The following KSR2 variants were observed in gnomAD, a reference collection of about 807,000 sequenced individuals.
The protein encoded by KSR2 is kinase suppressor of ras 2.
In KSR2, 25 loss-of-function variants were observed where a neutral mutation model predicts 107.8. The ratio of observed to expected loss-of-function variants is 0.23; its 90% CI spans 0.17 to 0.32. KSR2 has a LOEUF of 0.32. KSR2 is among the 10% of genes least tolerant of loss of function. KSR2 has a pLI of 1.00. For missense variants in KSR2, 887 were observed against 1,268.9 expected, an observed-to-expected ratio of 0.70 and a Z score of 4.57; for synonymous variants, 480 against 507.0, an observed-to-expected ratio of 0.95 and a Z score of 0.71.
chr12:117,967,419 G>A (rs1353873825), intron 1 of KSR2, among the ~76,000 whole-genome samples: 1 of 151,692 alleles, frequency 6.6e-6, no homozygotes, highest in South Asian at 2.1e-4. Flanking sequence ...CCTTTTGTAC[G>A]TTTTAGGCCT....
At chr12:117,910,746 T>C (rs1894986344) in intron 1 of KSR2, among the ~76,000 whole-genome samples, 1 of 152,144 alleles carries the variant, frequency 6.6e-6, no homozygotes, top group African/African-American at 2.4e-5. Context: ...TATGTTGCTT[T>C]GGAAACTTTG....
At chr12:117,609,538 T>C (rs563122056) in intron 5 of KSR2, among the ~76,000 whole-genome samples, 5 of 152,390 alleles carry the variant, frequency 3.3e-5, no homozygotes, top group African/African-American at 1.2e-4. Context: ...GAATCATATT[T>C]TGTGACATGG....
chr12:117,899,726 A>C (rs947011203), intron 1 of KSR2, among the ~76,000 whole-genome samples: 2 of 152,226 alleles, frequency 1.3e-5, no homozygotes, highest in Non-Finnish European at 2.9e-5. Context: ...AATATGGCAA[A>C]GGAGATGGGA....
chr12:117,894,969 C>T (rs1011404129), intron 1 of KSR2, among the ~76,000 whole-genome samples: 2 of 151,832 alleles, frequency 1.3e-5, no homozygotes, highest in Non-Finnish European at 2.9e-5. Context: ...TGGAGCTATG[C>T]CTGAAGTCCT....
chr12:117,567,132 T>C (rs1341411521), intron 7 of KSR2, among the ~76,000 whole-genome samples: 11 of 152,098 alleles, frequency 7.2e-5, no homozygotes, highest in Non-Finnish European at 1.6e-4. Flanking sequence ...GGCAGGTAAA[T>C]AGACAAATAA....
chr12:117,874,101 G>T (rs1248798685), intron 1 of KSR2, among the ~76,000 whole-genome samples: 2 of 152,214 alleles, frequency 1.3e-5, no homozygotes, highest in African/African-American at 4.8e-5. Flanking sequence ...ACCGCAGAAG[G>T]CGGGAAAGGC....
intron 3 of KSR2, among the ~76,000 whole-genome samples, chr12:117,779,255 C>T (rs1221497034): frequency 6.6e-6 from 1 of 152,212 alleles, no homozygotes; most frequent in Non-Finnish European, 1.5e-5. Context: ...ACTGCATGGG[C>T]ACCAGGGGGC....
At chr12:117,585,497 A>G (rs1274559577) in intron 5 of KSR2, among the ~76,000 whole-genome samples, 1 of 152,236 alleles carries the variant, frequency 6.6e-6, no homozygotes, top group Non-Finnish European at 1.5e-5. Context: ...CAGCATCATT[A>G]GTCTCAAGCA....
intron 5 of KSR2, among the ~76,000 whole-genome samples, chr12:117,643,670 G>A (rs567979997): frequency 1.3e-5 from 2 of 152,202 alleles, no homozygotes; most frequent in East Asian, 3.9e-4. Flanking sequence ...TCCTAACCCT[G>A]GTCTGCAGAC....
intron 16 of KSR2, among the ~76,000 whole-genome samples, chr12:117,478,515 G>A (rs746360220): frequency 6.6e-6 from 1 of 151,880 alleles, no homozygotes; most frequent in Non-Finnish European, 1.5e-5. Flanking sequence ...GTTCATGGTC[G>A]CTTGAACTCC....
intron 7 of KSR2, among the ~76,000 whole-genome samples, chr12:117,576,829 T>A (rs1879311623): frequency 6.6e-6 from 1 of 151,904 alleles, no homozygotes; most frequent in African/African-American, 2.4e-5. Flanking sequence ...TTTATTTGTG[T>A]GTGTGTGTGT....
At position 117,578,764 on chromosome 12, in the gene KSR2, T is replaced by A. The variant is rs140045026; in HGVS notation, c.1325+355A>T. Among the ~76,000 whole-genome samples, 1,494 of 152,340 alleles carry A rather than the reference T, an allele frequency of 9.8e-3. 32 individuals are homozygous for A. Among genetic ancestry groups the A allele is most frequent in the African/African-American group, 0.033 (1,365 of 41,582 alleles). ...AGTTGTCAAGACTGTTTCTGTATTGTTTACGGCTGCTTATGGTCTGCAAAG... is the reference window on the plus strand; with the variant it reads ...AGTTGTCAAGACTGTTTCTGTATTGATTACGGCTGCTTATGGTCTGCAAAG... On this transcript the variant is annotated intron_variant, in intron 7 of 19. Transcript: ENST00000339824.
At chr12:117,777,557 G>T (rs993551620) in intron 3 of KSR2, among the ~76,000 whole-genome samples, 5 of 152,168 alleles carry the variant, frequency 3.3e-5, no homozygotes, top group Non-Finnish European at 7.3e-5. Flanking sequence ...TGATTTAAGG[G>T]TTACAAATAC....
At chr12:117,596,268 A>C (rs1189969958) in intron 5 of KSR2, among the ~76,000 whole-genome samples, 1 of 152,078 alleles carries the variant, frequency 6.6e-6, no homozygotes, top group African/African-American at 2.4e-5. Flanking sequence ...AAACCATCAG[A>C]TCTCATGATT....
intron 1 of KSR2, among the ~76,000 whole-genome samples, chr12:117,913,115 C>A (rs1432706763): frequency 1.3e-5 from 2 of 152,292 alleles, no homozygotes; most frequent in South Asian, 4.1e-4. Context: ...TGTATCCTGT[C>A]CGTTCCCGAG....
intron 3 of KSR2, among the ~76,000 whole-genome samples, chr12:117,804,915 G>T (rs1890960257): frequency 6.6e-6 from 1 of 152,178 alleles, no homozygotes; most frequent in Admixed American, 6.5e-5. Context: ...GGTGGGAATA[G>T]TCAGACCTCT....
intron 7 of KSR2, among the ~76,000 whole-genome samples, chr12:117,563,089 C>T (rs1245068219): frequency 6.6e-6 from 1 of 152,152 alleles, no homozygotes; most frequent in East Asian, 1.9e-4. Flanking sequence ...TGGAAATGTG[C>T]ATCATTTTCC....
In KSR2 at chr12:117,467,054, G is replaced by A. The variant is rs1592899204; in HGVS notation, c.*145C>T. 7 of 499,782 alleles carry A rather than the reference G, an allele frequency of 1.4e-5. No homozygotes were observed. The highest frequency in any genetic ancestry group is 4.0e-5 in the Admixed American group (1 of 24,850). The allele number at this position is 499,782 out of a possible 1,614,324, so 31.0% of individuals were successfully genotyped here. ...AAGTCTGAGGTGCAGGGAGGCCGCCGAGCAGTTGTCCAGTGCTCCCAGGTC... is the reference window on the plus strand; with the variant it reads ...AAGTCTGAGGTGCAGGGAGGCCGCCAAGCAGTTGTCCAGTGCTCCCAGGTC... On this transcript the variant is annotated 3_prime_UTR_variant, in exon 20 of 20. Transcript: ENST00000339824.
chr12:117,675,357 A>T (rs1026857897), intron 4 of KSR2, among the ~76,000 whole-genome samples: 6 of 152,182 alleles, frequency 3.9e-5, no homozygotes, highest in Admixed American at 6.5e-5. Flanking sequence ...TTCTAAAGGA[A>T]AGTGACCCAG....
Sources: gnomAD v4.1 joint callset for allele counts (sites outside exome capture counted in the v4.1 genomes callset) on GRCh38, gnomAD v4.1.1 for gene constraint, MANE v1.5 for transcripts, NCBI Gene and HGNC (gene_info 2026-07-23, HGNC 2026-07-21) for gene names.